The following PSMC3 variants were observed in gnomAD, a reference collection of about 807,000 sequenced individuals.
PSMC3 encodes proteasome 26S subunit, ATPase 3.
A neutral mutation model predicts 52.0 loss-of-function variants in PSMC3; 11 were observed. That is an observed-to-expected ratio of 0.21 (90% CI 0.13 to 0.35). PSMC3 has a LOEUF of 0.35. PSMC3 is among the 10% of genes least tolerant of loss of function. The pLI is 1.00. For synonymous variants in PSMC3, 201 were observed against 218.8 expected, an observed-to-expected ratio of 0.92 and a Z score of 0.72; for missense variants, 238 against 567.1, an observed-to-expected ratio of 0.42 and a Z score of 5.89.
chr11:47,420,099 C>T (rs1595891253), intron 10 of PSMC3, among the ~76,000 whole-genome samples, 165 bp downstream of exon 10: 2 of 152,284 alleles, frequency 1.3e-5, no homozygotes, highest in South Asian at 2.1e-4. Flanking sequence ...CTACATCACA[C>T]AACTGAGGAG....
chr11:47,425,828 G>GT, intron 2 of PSMC3, 39 bp downstream of exon 2: 4 of 1,584,862 alleles, frequency 2.5e-6, no homozygotes, highest in Non-Finnish European at 3.5e-6. Context: ...GGCCTGTCCT[G>GT]TGGGGGCTCC....
chr11:47,424,794 G>T lies in PSMC3; in HGVS notation c.286-83C>A. The T allele has an allele frequency of 8.0e-7, 1 of 1,252,630 alleles. No individual in the cohort carries two copies. The highest frequency in any genetic ancestry group is 1.2e-6 in the Non-Finnish European group (1 of 860,210). 77.6% of individuals were successfully genotyped at this position (1,252,630 alleles called of 1,614,324 possible). ...ACAGTTCCTAATACCTGCAGGGCTG[G>T]CCATCCTTACCTCCCTCCTCCAATA... On this transcript the variant is annotated intron_variant, in intron 3 of 11. Transcript: ENST00000298852. This position sits in a 1 kb window ranked among gnomAD's most constrained non-coding sequence, Gnocchi z 4.8.
At position 47,424,807 on chromosome 11, in the gene PSMC3, CCCT is replaced by C; in HGVS notation, c.286-99_286-97del. The C allele has an allele frequency of 8.9e-7, 1 of 1,121,870 alleles. No individual in the cohort carries two copies. Among genetic ancestry groups the C allele is most frequent in the Non-Finnish European group, 1.3e-6 (1 of 748,640 alleles). The allele number at this position is 1,121,870 out of a possible 1,614,324, so 69.5% of individuals were successfully genotyped here. ...CCTGCAGGGCTGGCCATCCTTACCT[CCCT>C]CCTCCAATAGCCCTGAGCCCACCAA... On this transcript the variant is annotated intron_variant, in intron 3 of 11. Coordinates refer to ENST00000298852, the MANE Select transcript of PSMC3 (RefSeq NM_002804.5). This position sits in a 1 kb window ranked among gnomAD's most constrained non-coding sequence, Gnocchi z 4.8.
intron 10 of PSMC3, among the ~76,000 whole-genome samples, chr11:47,419,655 C>T (rs529868239): frequency 2.0e-5 from 3 of 152,158 alleles, no homozygotes; most frequent in Admixed American, 6.6e-5. Flanking sequence ...GTCAGGAAAT[C>T]AAGACCATTC....
Position 47,422,891 on chromosome 11 carries a change from A to G in PSMC3, c.674T>C (p.Met225Thr). 1.2e-6 allele frequency: 2 copies of G among 1,613,858 alleles called. No individual in the cohort carries two copies. The highest frequency in any genetic ancestry group is 1.7e-6 in the Non-Finnish European group (2 of 1,179,918). Residue 225 changes from methionine to threonine, a missense_variant, in exon 7 of 12, where the codon ATG (methionine) becomes ACG (threonine). Coordinates refer to ENST00000298852, the MANE Select transcript of PSMC3 (RefSeq NM_002804.5). The surrounding 1 kb of genome is among the most constrained non-coding windows in gnomAD (Gnocchi z 4.3). ...LGIQPPKGVL[M>T]YGPPGTGKTL... ...CTTCCCCGTCCCTGGGGGCCCATAC[A>G]TCAGCACCCCTTTTGGAGGTTGGAT...
chr11:47,421,377 G>A (rs932955551), intron 8 of PSMC3, among the ~76,000 whole-genome samples: 1 of 152,030 alleles, frequency 6.6e-6, no homozygotes, highest in South Asian at 2.1e-4. Context: ...CTTGGACGGT[G>A]CTGTACAGGA....
Position 47,424,040 on chromosome 11 carries a change from C to T in PSMC3, c.591+6G>A, listed in dbSNP as rs1408425364. 6.2e-7 allele frequency: 1 copy of T among 1,614,158 alleles called. No homozygotes were observed. Among genetic ancestry groups the T allele is most frequent in the Middle Eastern group, 1.7e-4 (1 of 6,060 alleles). On this transcript the variant is annotated splice_donor_region_variant and intron_variant, in intron 6 of 11. Transcript: ENST00000298852. This position sits in a 1 kb window ranked among gnomAD's most constrained non-coding sequence, Gnocchi z 4.8. ...AGGCTGCTGGCAGCTGCCGTGCCTC[C>T]CTCACCTCCTGGATCTGCTTGTCCA...
In PSMC3 at chr11:47,419,146, C is replaced by T. The variant is rs1358573176; in HGVS notation, c.1179G>A (p.Gly393=). Residue 393 remains glycine, a synonymous_variant, in exon 11 of 12, where the codon GGG becomes GGA. Transcript: ENST00000298852. Reference sequence around the variant, plus strand: ...CCACACACACAGCCTTGCACTGGGCCCCATTGAAGTCATCTGTGCAGCGGG... The same window carrying T: ...CCACACACACAGCCTTGCACTGGGCTCCATTGAAGTCATCTGTGCAGCGGG... ...ELARCTDDFN[G]AQCKAVCVEA... 4 of 1,614,056 alleles carry T rather than the reference C, an allele frequency of 2.5e-6. No homozygotes were observed. In the Admixed American group the frequency reaches 5.0e-5, roughly 20 times the overall value.
intron 6 of PSMC3, 45 bp from the exon 7 acceptor site, chr11:47,423,018 T>A: frequency 6.4e-7 from 1 of 1,558,376 alleles, no homozygotes; most frequent in Non-Finnish European, 8.7e-7. Context: ...CCCTGAGGGC[T>A]TCTACAGCCC....
At chr11:47,425,833 G>A (rs1392790140) in intron 2 of PSMC3, 34 bp downstream of exon 2, 1 of 1,591,788 alleles carries the variant, frequency 6.3e-7, no homozygotes, top group Non-Finnish European at 8.6e-7. Context: ...GTCCTGTGGG[G>A]GCTCCATCGC....
In PSMC3 at chr11:47,424,200, G is replaced by GGCCT. The variant is rs1321109107; in HGVS notation, c.454-18_454-17insAGGC. On this transcript the variant is annotated splice_polypyrimidine_tract_variant and intron_variant, in intron 5 of 11. Coordinates refer to ENST00000298852, the MANE Select transcript of PSMC3 (RefSeq NM_002804.5). The surrounding 1 kb of genome is among the most constrained non-coding windows in gnomAD (Gnocchi z 4.8). ...GTTCACACCCTAAGGACACAGCACA[G>GGCCT]GGCCTTCAGATTTGGCCCAGCTCAA... 1 of 1,614,052 alleles carries GGCCT rather than the reference G, an allele frequency of 6.2e-7. No homozygotes were observed. Among genetic ancestry groups the GGCCT allele is most frequent in the Non-Finnish European group, 8.5e-7 (1 of 1,180,038 alleles).
intron 6 of PSMC3, among the ~76,000 whole-genome samples, chr11:47,423,820 A>G (rs1383025888): frequency 6.7e-6 from 1 of 149,598 alleles, no homozygotes; most frequent in Non-Finnish European, 1.5e-5. Flanking sequence ...CACTGGGCCA[A>G]GAACCAGGAG....
chr11:47,418,933 G>A lies in PSMC3; in HGVS notation c.1222C>T (p.Leu408=). The A allele has an allele frequency of 6.2e-7, 1 of 1,614,160 alleles. No individual in the cohort carries two copies. Among genetic ancestry groups the A allele is most frequent in the Non-Finnish European group, 8.5e-7 (1 of 1,180,004 alleles). ...GTGAGCTCCGTGGCACCCCTGCGCA[G>A]TGCGATCATGCCCTACAGCCGGGAC... ...AVCVEAGMIA[L]RRGATELTHE... Residue 408 remains leucine, a synonymous_variant, in exon 12 of 12, where the codon CTG becomes TTG. Transcript: ENST00000298852.
chr11:47,425,819 G>T lies in PSMC3; in HGVS notation c.159+48C>A. ...ACGAGAGGCGACTCGGATCGCCGGG[G>T]CCTGTCCTGTGGGGGCTCCATCGCC... On this transcript the variant is annotated intron_variant, in intron 2 of 11. Coordinates refer to ENST00000298852, the MANE Select transcript of PSMC3 (RefSeq NM_002804.5). 2.6e-6 allele frequency: 4 copies of T among 1,540,594 alleles called. 1 individual carries two copies. The South Asian group carries it at 4.6e-5, about 18-fold the overall frequency.
At chr11:47,419,287 A>G in intron 10 of PSMC3, 90 bp from the exon 11 acceptor site, 1 of 1,380,414 alleles carries the variant, frequency 7.2e-7, no homozygotes, top group South Asian at 1.2e-5. Flanking sequence ...TCAAGCAACA[A>G]AGTCAAGTTG....
rs199874053 is a variant in PSMC3, at chr11:47,418,929, C to T, written c.1226G>A (p.Arg409His). ...VCVEAGMIAL[R>H]RGATELTHED... Reference sequence around the variant, plus strand: ...GTGGGTGAGCTCCGTGGCACCCCTGCGCAGTGCGATCATGCCCTACAGCCG... The same window carrying T: ...GTGGGTGAGCTCCGTGGCACCCCTGTGCAGTGCGATCATGCCCTACAGCCG... Residue 409 changes from arginine (R) to histidine (H), a missense_variant, in exon 12 of 12, where the codon CGC becomes CAC. Arg to His is a conservative substitution (Grantham distance 29). Coordinates refer to ENST00000298852, the MANE Select transcript of PSMC3 (RefSeq NM_002804.5). 6.2e-7 allele frequency: 1 copy of T among 1,614,038 alleles called. No homozygotes were observed. The highest frequency in any genetic ancestry group is 1.3e-5 in the African/African-American group (1 of 74,936).
chr11:47,420,296 G>A lies in PSMC3; in HGVS notation c.1095C>T (p.Ile365=). The A allele has an allele frequency of 6.2e-7, 1 of 1,614,220 alleles. No homozygotes were observed. Among genetic ancestry groups the A allele is most frequent in the South Asian group, 1.1e-5 (1 of 91,086 alleles). The change falls in exon 10 of 12, where the codon ATC becomes ATT. Residue 365 remains isoleucine, a synonymous_variant. Coordinates refer to ENST00000298852, the MANE Select transcript of PSMC3 (RefSeq NM_002804.5). ...TCATCTTTCGGGAGTGGATCTGCAT[G>A]ATTCTGGCCCGGGCCTCCTCATTGG... is the stretch of plus-strand genomic sequence containing the variant. ...PMPNEEARAR[I]MQIHSRKMNV...
chr11:47,420,512 C>T (rs2096039236), intron 9 of PSMC3, 103 bp from the exon 10 acceptor site: 2 of 1,524,384 alleles, frequency 1.3e-6, no homozygotes, highest in Non-Finnish European at 1.8e-6. Flanking sequence ...AGGTGAGACA[C>T]ATGGGATGTT....
Position 47,424,244 on chromosome 11 carries a change from G to A in PSMC3, c.454-61C>T. ...AGCTCAAGGGCTACCCAACTGACTG[G>A]GTGACAGGTGTCTGCAGAGGGAAAG... On this transcript the variant is annotated intron_variant, in intron 5 of 11. Transcript: ENST00000298852. The surrounding 1 kb of genome is among the most constrained non-coding windows in gnomAD (Gnocchi z 4.8). 6.2e-7 allele frequency: 1 copy of A among 1,610,200 alleles called. No individual in the cohort carries two copies. Among genetic ancestry groups the A allele is most frequent in the Non-Finnish European group, 8.5e-7 (1 of 1,176,586 alleles).
Sources: allele counts gnomAD v4.1 joint callset (sites outside exome capture counted in the v4.1 genomes callset), GRCh38; gene constraint gnomAD v4.1.1; non-coding constraint Gnocchi (gnomAD v3.1); transcripts MANE v1.5; gene names NCBI Gene and HGNC (gene_info 2026-07-23, HGNC 2026-07-21).